Variants in PDE6B observed in about 807,000 individuals in gnomAD.
PDE6B encodes phosphodiesterase 6B.
PDE6B carries 106 observed loss-of-function variants against 109.0 expected under a neutral mutation model. The observed-to-expected ratio is 0.97, with a 90% CI of 0.83 to 1.14. The LOEUF (loss-of-function observed/expected upper bound fraction) is 1.14, where lower values mean the gene tolerates loss of function less well. Ranked by LOEUF, PDE6B falls within the 50% of genes most tolerant of loss-of-function variation. The pLI is 0.00. For missense variants in PDE6B, 1,193 were observed against 1,155.6 expected (o/e 1.03, Z -0.47); for synonymous variants, 490 against 471.3 (o/e 1.04, Z -0.51).
In PDE6B at chr4:648,250, C is replaced by T. The variant is rs1028738154; in HGVS notation, c.712-5602C>T. On this transcript the variant is annotated intron_variant, in intron 3 of 21. Coordinates refer to ENST00000496514, the MANE Select transcript of PDE6B (RefSeq NM_000283.4). This position sits in a 1 kb window ranked among gnomAD's most constrained non-coding sequence, Gnocchi z 4.5. The stretch of plus-strand genomic sequence containing the variant: ...CCAGCTCAAGGTTCTAACACGTGAC[C>T]TTGTGTCTCCATGTGAGACTTTCGA... 6.6e-6 allele frequency among the ~76,000 whole-genome samples: 1 copy of T among 152,030 alleles called. No homozygotes were observed. The highest frequency in any genetic ancestry group is 1.5e-5 in the Non-Finnish European group (1 of 68,040).
chr4:668,594 T>C (rs1201550087), intron 21 of PDE6B, among the ~76,000 whole-genome samples: 1 of 112,824 alleles, frequency 8.9e-6, no homozygotes, highest in African/African-American at 4.0e-5. Context: ...CCCCATGCTA[T>C]TCCCGCTACC....
chr4:654,727 G>C, intron 5 of PDE6B, 97 bp from the exon 6 acceptor site: 2 of 800,052 alleles, frequency 2.5e-6, no homozygotes, highest in South Asian at 1.3e-5. Flanking sequence ...GTGTGCATGC[G>C]TGTGGCTGTG....
At chr4:655,468 G>A (rs1736104865) in intron 6 of PDE6B, 1 of 305,886 alleles carries the variant, frequency 3.3e-6, no homozygotes, top group Non-Finnish European at 6.3e-6. Context: ...CAGGGTCAGG[G>A]TGGCAGGGCA....
At chr4:634,853 A>C in intron 2 of PDE6B, 24 bp downstream of exon 2, 1 of 1,609,914 alleles carries the variant, frequency 6.2e-7, no homozygotes, top group East Asian at 2.2e-5. Flanking sequence ...GCACCTGGGC[A>C]GCCGCGCGTC....
chr4:666,658 C>A lies in PDE6B; in HGVS notation c.2352+44C>A. 1 of 1,384,582 alleles carries A rather than the reference C, an allele frequency of 7.2e-7. No homozygotes were observed. The highest frequency in any genetic ancestry group is 1.0e-6 in the Non-Finnish European group (1 of 971,234). The allele number at this position is 1,384,582 out of a possible 1,614,324, so 85.8% of individuals were successfully genotyped here. On this transcript the variant is annotated intron_variant, in intron 20 of 21. Transcript: ENST00000496514. The surrounding 1 kb of genome is among the most constrained non-coding windows in gnomAD (Gnocchi z 5.6). Reference sequence around the variant, plus strand: ...TTCCGAGCTGACTGGGGCAGGGTGGCTGGGAGCAGGCAAGGGGGCGCGGGC... The same window carrying A: ...TTCCGAGCTGACTGGGGCAGGGTGGATGGGAGCAGGCAAGGGGGCGCGGGC...
At chr4:664,823 T>C (rs1168634814) in intron 17 of PDE6B, 58 bp from the exon 18 acceptor site, 31 of 1,356,992 alleles carry the variant, frequency 2.3e-5, no homozygotes, top group Non-Finnish European at 3.2e-5. Flanking sequence ...AAAACACATA[T>C]AAACCACCTG....
rs1393703025 is a variant in PDE6B, at chr4:666,290, C to T, written c.2269-241C>T. On this transcript the variant is annotated intron_variant, in intron 19 of 21. Transcript: ENST00000496514. The surrounding 1 kb of genome is among the most constrained non-coding windows in gnomAD (Gnocchi z 5.6). ...CAAGAGGGGGCTGCCCTCAGGGGAC[C>T]ACGGGCTGGAGCCAACAGCAGCTGT... Among the ~76,000 whole-genome samples the T allele has an allele frequency of 6.6e-6, 1 of 152,170 alleles. No homozygotes were observed. Among genetic ancestry groups the T allele is most frequent in the Admixed American group, 6.5e-5 (1 of 15,282 alleles).
intron 1 of PDE6B, among the ~76,000 whole-genome samples, chr4:632,649 G>A (rs369153291): frequency 3.5e-5 from 5 of 144,732 alleles, no homozygotes; most frequent in Admixed American, 6.9e-5. Flanking sequence ...GTGGATCTGC[G>A]TGGTGCTGTC....
chr4:650,550 G>A (rs962659399), intron 3 of PDE6B, among the ~76,000 whole-genome samples: 11 of 152,234 alleles, frequency 7.2e-5, no homozygotes, highest in South Asian at 2.1e-4. Flanking sequence ...GGCCCCAAGC[G>A]TGGGGTCAGG....
At chr4:653,772 A>G (rs182920372) in intron 3 of PDE6B, 80 bp from the exon 4 acceptor site, 2 of 1,495,670 alleles carry the variant, frequency 1.3e-6, no homozygotes, top group Non-Finnish European at 9.3e-7. Context: ...GTCAGGCTTG[A>G]GTTAAACCCC....
chr4:627,078 C>T (rs1156774304), intron 1 of PDE6B, among the ~76,000 whole-genome samples: 1 of 152,106 alleles, frequency 6.6e-6, no homozygotes, highest in Non-Finnish European at 1.5e-5. Flanking sequence ...AGGCTGCCAG[C>T]CCAGGGGCAG....
At chr4:661,521 C>A (rs933722210) in intron 12 of PDE6B, 1 of 154,054 alleles carries the variant, frequency 6.5e-6, no homozygotes, top group Non-Finnish European at 1.4e-5. Flanking sequence ...TCTCATGCCC[C>A]TCTGAGAACA....
rs1737875652 is a variant in PDE6B, at chr4:666,999, T to A, written c.2352+385T>A. Among the ~76,000 whole-genome samples the A allele has an allele frequency of 6.6e-6, 1 of 152,182 alleles. No individual in the cohort carries two copies. Among genetic ancestry groups the A allele is most frequent in the Non-Finnish European group, 1.5e-5 (1 of 68,026 alleles). ...TCATTTGTTCCATGTTTGTGAACCC[T>A]CGAGGCGGGGCTGGGTCGGCCTGTC... is the stretch of plus-strand genomic sequence containing the variant. On this transcript the variant is annotated intron_variant, in intron 20 of 21. Coordinates refer to ENST00000496514, the MANE Select transcript of PDE6B (RefSeq NM_000283.4). The surrounding 1 kb of genome is among the most constrained non-coding windows in gnomAD (Gnocchi z 5.6).
Position 636,103 on chromosome 4 carries a change from G to A in PDE6B, c.711+134G>A, listed in dbSNP as rs1229079548. 6.0e-6 allele frequency: 4 copies of A among 670,110 alleles called. No individual in the cohort carries two copies. The highest frequency in any genetic ancestry group is 1.8e-5 in the African/African-American group (1 of 56,664). 41.5% of individuals were successfully genotyped at this position (670,110 alleles called of 1,614,324 possible). A position where few individuals can be genotyped will look rare whatever the true frequency, so the allele number is the denominator to read the frequency against. On this transcript the variant is annotated intron_variant, in intron 3 of 21. Transcript: ENST00000496514. The surrounding 1 kb of genome is among the most constrained non-coding windows in gnomAD (Gnocchi z 4.5). ...TAGGTCCTGGGGTGGGCATTGCTCA[G>A]GGGAGAGGAGGGCTCCATGGCTTCT...
At position 665,195 on chromosome 4, in the gene PDE6B, G is replaced by T. The variant is rs1577305368; in HGVS notation, c.2194-60G>T. The T allele has an allele frequency of 1.9e-5, 25 of 1,286,998 alleles. No homozygotes were observed. The highest frequency in any genetic ancestry group is 2.9e-5 in the African/African-American group (2 of 68,486). 79.7% of individuals were successfully genotyped at this position (1,286,998 alleles called of 1,614,324 possible). A position where few individuals can be genotyped will look rare whatever the true frequency, so the allele number is the denominator to read the frequency against. On this transcript the variant is annotated intron_variant, in intron 18 of 21. Coordinates refer to ENST00000496514, the MANE Select transcript of PDE6B (RefSeq NM_000283.4). This position sits in a 1 kb window ranked among gnomAD's most constrained non-coding sequence, Gnocchi z 4.0. The stretch of plus-strand genomic sequence containing the variant: ...CGAGGCTCGGAGCCTCACGGGGCGG[G>T]CCCGGGCCCTTCCGCGTGGGCTCAG...
In PDE6B at chr4:660,632, C is replaced by T. The variant is rs553760477; in HGVS notation, c.1614+19C>T. The T allele has an allele frequency of 3.2e-5, 52 of 1,611,614 alleles. No individual in the cohort carries two copies. In the African/African-American group the frequency reaches 4.5e-4, roughly 14 times the overall value. ...CCAGGAGGTGGGAGACACCGCAGGGCGCATAGTCAGGTCCCTGAGGCCGCC... is the reference window on the plus strand; with the variant it reads ...CCAGGAGGTGGGAGACACCGCAGGGTGCATAGTCAGGTCCCTGAGGCCGCC... On this transcript the variant is annotated intron_variant, in intron 12 of 21. Transcript: ENST00000496514.
intron 11 of PDE6B, 130 bp from the exon 12 acceptor site, chr4:660,337 G>A (rs1736913936): frequency 1.1e-6 from 1 of 937,202 alleles, no homozygotes; most frequent in African/African-American, 1.6e-5. Context: ...GGAGCGCCAG[G>A]AATGACACAT....
rs2109255059 is a variant in PDE6B, at chr4:662,526, C to T, written c.1740C>T (p.Ser580=). The change falls in exon 14 of 22, where the codon AGC becomes AGT. Residue 580 remains serine (S), a synonymous_variant. Transcript: ENST00000496514. The surrounding 1 kb of genome is among the most constrained non-coding windows in gnomAD (Gnocchi z 4.3). Reference sequence around the variant, plus strand: ...CTCTACAGACCGGCAAACTGAAGAGCTACTACACGGACCTGGAGGCCTTCG... The same window carrying T: ...CTCTACAGACCGGCAAACTGAAGAGTTACTACACGGACCTGGAGGCCTTCG... The part of the protein sequence containing the change: ...FTLLMTGKLK[S]YYTDLEAFAM... The T allele has an allele frequency of 6.2e-7, 1 of 1,611,706 alleles. No individual in the cohort carries two copies. Among genetic ancestry groups the T allele is most frequent in the Non-Finnish European group, 8.5e-7 (1 of 1,178,554 alleles).
intron 3 of PDE6B, among the ~76,000 whole-genome samples, chr4:650,944 C>A (rs551835085): frequency 6.6e-6 from 1 of 152,214 alleles, no homozygotes; most frequent in Non-Finnish European, 1.5e-5. Flanking sequence ...ACAAGGAGGA[C>A]GGCAGAAGCC....
Sources: allele counts gnomAD v4.1 joint callset (sites outside exome capture counted in the v4.1 genomes callset), GRCh38; gene constraint gnomAD v4.1.1; non-coding constraint Gnocchi (gnomAD v3.1); transcripts MANE v1.5; gene names NCBI Gene and HGNC (gene_info 2026-07-23, HGNC 2026-07-21).